The following GAP43 variants were observed in gnomAD, a reference collection of about 807,000 sequenced individuals.
The protein encoded by GAP43 is growth associated protein 43.
GAP43 carries 6 observed loss-of-function variants against 18.6 expected under a neutral mutation model. The observed-to-expected ratio is 0.32, with a 90% CI of 0.18 to 0.64. GAP43 has a LOEUF of 0.64. GAP43 is among the 30% of genes least tolerant of loss of function. GAP43 has a pLI of 0.78. For synonymous variants in GAP43, 115 were observed against 111.4 expected (o/e 1.03, Z -0.20); for missense variants, 292 against 295.5 (o/e 0.99, Z 0.09).
chr3:115,662,283 C>T (rs1283469069), intron 1 of GAP43, among the ~76,000 whole-genome samples: 4 of 152,172 alleles, frequency 2.6e-5, no homozygotes, highest in Admixed American at 2.6e-4. Flanking sequence ...CCTTGATTCT[C>T]TGCAGTGATT....
intron 2 of GAP43, among the ~76,000 whole-genome samples, chr3:115,693,040 C>T (rs1022888452): frequency 2.0e-5 from 3 of 152,150 alleles, no homozygotes; most frequent in Non-Finnish European, 4.4e-5. Flanking sequence ...CCTGACACGC[C>T]TGCCTTCCAC....
chr3:115,631,341 T>G (rs146344452), intron 1 of GAP43, among the ~76,000 whole-genome samples: 1 of 152,322 alleles, frequency 6.6e-6, no homozygotes, highest in African/African-American at 2.4e-5. Flanking sequence ...CTGAGCCTAG[T>G]ATATTCATCT....
At chr3:115,674,249 G>C (rs1327910096) in intron 1 of GAP43, among the ~76,000 whole-genome samples, 3 of 152,176 alleles carry the variant, frequency 2.0e-5, no homozygotes, top group Non-Finnish European at 1.5e-5. Context: ...GTTCTTTGCT[G>C]TTATTTCTGC....
At chr3:115,635,570 T>G (rs1576977359) in intron 1 of GAP43, among the ~76,000 whole-genome samples, 2 of 152,164 alleles carry the variant, frequency 1.3e-5, no homozygotes, top group South Asian at 2.1e-4. Context: ...AATTGGGCCA[T>G]AACCTTCTAG....
rs1011890881 is a variant in GAP43, at chr3:115,661,474, T to TTTTGTTTG, written c.31-14523_31-14516dup. Among the ~76,000 whole-genome samples the TTTTGTTTG allele has an allele frequency of 3.9e-5, 6 of 152,184 alleles. 1 individual carries two copies. In the South Asian group the frequency reaches 1.2e-3, roughly 32 times the overall value. On this transcript the variant is annotated intron_variant, in intron 1 of 2. Coordinates refer to ENST00000305124, the MANE Select transcript of GAP43 (RefSeq NM_002045.4). ...CCACCGGGCTTTGATATGACTTTGTTTTTGTTTGTTTGTTTGTTTGTTTTT... is the reference window on the plus strand; with the variant it reads ...CCACCGGGCTTTGATATGACTTTGTTTTTGTTTGTTTGTTTGTTTGTTTGTTTGTTTTT...
intron 1 of GAP43, among the ~76,000 whole-genome samples, chr3:115,667,268 A>G (rs1708746151): frequency 6.6e-6 from 1 of 152,228 alleles, no homozygotes; most frequent in Admixed American, 6.5e-5. Context: ...AAAAACATAC[A>G]GCAGATGATC....
At chr3:115,638,839 C>T (rs1441878111) in intron 1 of GAP43, among the ~76,000 whole-genome samples, 3 of 152,012 alleles carry the variant, frequency 2.0e-5, no homozygotes, top group Non-Finnish European at 4.4e-5. Context: ...TCTGATCCTC[C>T]AGCCTAATAC....
intron 2 of GAP43, among the ~76,000 whole-genome samples, chr3:115,710,633 T>A (rs2918077): frequency 0.55 from 83,109 of 151,960 alleles, 23,471 homozygotes; most frequent in East Asian, 0.73. Context: ...TATAAATTGT[T>A]TTTATTGAGA....
chr3:115,708,377 T>C (rs1709390574), intron 2 of GAP43, among the ~76,000 whole-genome samples: 1 of 152,228 alleles, frequency 6.6e-6, no homozygotes, highest in Admixed American at 6.5e-5. Context: ...CATCCTTCAC[T>C]GATATCATTG....
chr3:115,632,578 A>G (rs1266807686), intron 1 of GAP43, among the ~76,000 whole-genome samples: 1 of 152,198 alleles, frequency 6.6e-6, no homozygotes, highest in African/African-American at 2.4e-5. Context: ...CTATAAGCAC[A>G]GAATTCTACA....
intron 1 of GAP43, among the ~76,000 whole-genome samples, chr3:115,652,872 C>T (rs1253282027): frequency 1.3e-5 from 2 of 152,164 alleles, no homozygotes; most frequent in African/African-American, 4.8e-5. Flanking sequence ...ACTAAATGTA[C>T]TGACAGGAGA....
intron 1 of GAP43, among the ~76,000 whole-genome samples, chr3:115,637,565 G>T (rs1708345069): frequency 1.3e-5 from 2 of 151,946 alleles, no homozygotes; most frequent in Admixed American, 6.6e-5. Context: ...TGAAAAGTTG[G>T]TGTTATTCAG....
intron 1 of GAP43, among the ~76,000 whole-genome samples, chr3:115,632,103 C>T (rs1229882772): frequency 6.6e-6 from 1 of 151,962 alleles, no homozygotes; most frequent in East Asian, 1.9e-4. Flanking sequence ...TAGTCTTTTC[C>T]TCACATTTAG....
chr3:115,667,334 G>C (rs1162926947), intron 1 of GAP43, among the ~76,000 whole-genome samples: 1 of 152,168 alleles, frequency 6.6e-6, no homozygotes, highest in East Asian at 1.9e-4. Context: ...AACATTTGAA[G>C]AAGGGTGTGT....
rs1296188714 is a variant in GAP43, at chr3:115,634,757, G to A, written c.30+11038G>A. Among the ~76,000 whole-genome samples the A allele has an allele frequency of 3.3e-5, 5 of 151,866 alleles. No homozygotes were observed. The East Asian group carries it at 7.8e-4, about 24-fold the overall frequency. On this transcript the variant is annotated intron_variant, in intron 1 of 2. Transcript: ENST00000305124. Reference sequence around the variant, plus strand: ...TGCACTCCAGCCTGGGTGACAGAGCGAGACTCTGTCTCAAAATAAATAAAT... The same window carrying A: ...TGCACTCCAGCCTGGGTGACAGAGCAAGACTCTGTCTCAAAATAAATAAAT...
rs1708431766 is a variant in GAP43, at chr3:115,644,258, G to T, written c.30+20539G>T. Among the ~76,000 whole-genome samples the T allele has an allele frequency of 6.6e-6, 1 of 151,868 alleles. No individual in the cohort carries two copies. The highest frequency in any genetic ancestry group is 6.6e-5 in the Admixed American group (1 of 15,226). On this transcript the variant is annotated intron_variant, in intron 1 of 2. Coordinates refer to ENST00000305124, the MANE Select transcript of GAP43 (RefSeq NM_002045.4). This position sits in a 1 kb window ranked among gnomAD's most constrained non-coding sequence, Gnocchi z 4.2. ...TAACTGTATTATTTATTTATTTATT[G>T]CAGGCACTGTAGGGGAAATGCTTGC...
intron 2 of GAP43, among the ~76,000 whole-genome samples, chr3:115,719,920 T>G (rs193019287): frequency 6.6e-6 from 1 of 152,304 alleles, no homozygotes; most frequent in East Asian, 1.9e-4. Context: ...ATCAGTTGAC[T>G]GAGTTCTGTC....
At chr3:115,648,688 C>T (rs1316681290) in intron 1 of GAP43, among the ~76,000 whole-genome samples, 3 of 152,054 alleles carry the variant, frequency 2.0e-5, no homozygotes, top group Non-Finnish European at 4.4e-5. Context: ...GCTTATTCAT[C>T]TTCGTGGCAT....
chr3:115,705,423 A>G (rs1258849139), intron 2 of GAP43, among the ~76,000 whole-genome samples: 1 of 152,216 alleles, frequency 6.6e-6, no homozygotes, highest in Non-Finnish European at 1.5e-5. Context: ...ACTTTATAAT[A>G]AGGAATATTA....
Sources: gnomAD v4.1 joint callset for allele counts (sites outside exome capture counted in the v4.1 genomes callset) on GRCh38, gnomAD v4.1.1 for gene constraint, Gnocchi (gnomAD v3.1) non-coding constraint, MANE v1.5 for transcripts, NCBI Gene and HGNC (gene_info 2026-07-23, HGNC 2026-07-21) for gene names.